SLC2A13: variants seen among roughly 807,000 people sequenced by gnomAD.
The protein encoded by SLC2A13 is proton myo-inositol cotransporter.
Under a neutral mutation model 64.4 loss-of-function variants are expected in SLC2A13, and 32 were observed. The observed-to-expected ratio is 0.50, with a 90% CI of 0.37 to 0.67. The LOEUF (loss-of-function observed/expected upper bound fraction) is 0.67, where lower values mean the gene tolerates loss of function less well. Ranked by LOEUF, SLC2A13 falls within the 30% of genes least tolerant of loss-of-function variation. The pLI is 0.00. For synonymous variants in SLC2A13, 338 were observed against 327.1 expected (o/e 1.03, Z -0.36); for missense variants, 743 against 829.2 (o/e 0.90, Z 1.28).
chr12:39,883,915 C>A (rs574480685), intron 4 of SLC2A13, among the ~76,000 whole-genome samples: 1 of 152,252 alleles, frequency 6.6e-6, no homozygotes, highest in South Asian at 2.1e-4. Context: ...AAAATAATCA[C>A]AGAAAAATAA....
intron 3 of SLC2A13, among the ~76,000 whole-genome samples, chr12:39,975,086 A>C (rs549215571): frequency 9.2e-5 from 14 of 152,352 alleles, no homozygotes; most frequent in Middle Eastern, 6.8e-3. Flanking sequence ...AGGCCTGGAA[A>C]GGGCTGAATT....
intron 3 of SLC2A13, among the ~76,000 whole-genome samples, chr12:40,024,413 A>T (rs775959564): frequency 1.7e-4 from 26 of 152,192 alleles, no homozygotes; most frequent in Non-Finnish European, 3.5e-4. Flanking sequence ...TTAATAAAAC[A>T]GAATTTTGCA....
At chr12:39,892,310 A>C (rs994337728) in intron 4 of SLC2A13, among the ~76,000 whole-genome samples, 2 of 152,174 alleles carry the variant, frequency 1.3e-5, no homozygotes, top group Admixed American at 6.5e-5. Flanking sequence ...TTTGGGTCAC[A>C]GGAACAGCTG....
intron 6 of SLC2A13, among the ~76,000 whole-genome samples, chr12:39,849,192 C>CA (rs1025361532): frequency 1.3e-5 from 2 of 151,666 alleles, no homozygotes; most frequent in South Asian, 2.1e-4. Context: ...AAAAAAAATT[C>CA]AAAAAAAGAA....
chr12:39,857,095 G>T (rs1337168177), intron 6 of SLC2A13, among the ~76,000 whole-genome samples: 5 of 152,174 alleles, frequency 3.3e-5, no homozygotes, highest in African/African-American at 1.2e-4. Context: ...TCTAGAATAA[G>T]AATATAAGTC....
intron 2 of SLC2A13, among the ~76,000 whole-genome samples, chr12:40,034,155 A>T (rs1947943630): frequency 6.6e-6 from 1 of 152,218 alleles, no homozygotes; most frequent in Non-Finnish European, 1.5e-5. Flanking sequence ...TTTTAAAAAC[A>T]TGCAATTGTT....
intron 7 of SLC2A13, among the ~76,000 whole-genome samples, chr12:39,799,738 G>C (rs771519045): frequency 6.6e-6 from 1 of 152,088 alleles, no homozygotes; most frequent in Non-Finnish European, 1.5e-5. Flanking sequence ...TTAAAGTTAG[G>C]CCTATTATAC....
intron 7 of SLC2A13, among the ~76,000 whole-genome samples, chr12:39,778,203 A>G (rs891588181): frequency 2.0e-5 from 3 of 152,350 alleles, no homozygotes; most frequent in Admixed American, 6.5e-5. Context: ...AGAACACTGC[A>G]TCCAACGTAC....
chr12:40,003,990 T>A (rs1419946204), intron 3 of SLC2A13, among the ~76,000 whole-genome samples: 1 of 150,640 alleles, frequency 6.6e-6, no homozygotes, highest in Non-Finnish European at 1.5e-5. Context: ...CAAAACTCCA[T>A]CTCAAAAACA....
chr12:39,954,051 G>A (rs1946276733), intron 3 of SLC2A13, among the ~76,000 whole-genome samples: 1 of 152,188 alleles, frequency 6.6e-6, no homozygotes, highest in Non-Finnish European at 1.5e-5. Context: ...ATGGCTATCA[G>A]CTTTCCCTTT....
intron 3 of SLC2A13, among the ~76,000 whole-genome samples, chr12:40,002,740 T>C (rs1357019740): frequency 6.6e-6 from 1 of 152,084 alleles, no homozygotes; most frequent in Non-Finnish European, 1.5e-5. Flanking sequence ...CAGAGGAAGT[T>C]TTAAAAGGCA....
intron 5 of SLC2A13, among the ~76,000 whole-genome samples, chr12:39,869,319 C>A (rs967745013): frequency 1.3e-5 from 2 of 152,084 alleles, no homozygotes; most frequent in African/African-American, 4.8e-5. Context: ...TCTAGTAGGA[C>A]CTATTTAATC....
chr12:40,053,816 G>C (rs902702959), intron 1 of SLC2A13, among the ~76,000 whole-genome samples: 2 of 152,176 alleles, frequency 1.3e-5, no homozygotes, highest in Non-Finnish European at 2.9e-5. Flanking sequence ...CACAGGGCCT[G>C]TTAACAACTC....
chr12:39,897,115 T>A lies in SLC2A13; in HGVS notation c.1035-25154A>T, dbSNP rs1376338164. ...GTTGATAGTTCTTTCTTTATCATTG[T>A]TCCTGTGAATTAAGAAACTTCTAGA... On this transcript the variant is annotated intron_variant, in intron 4 of 9. Transcript: ENST00000280871. Among the ~76,000 whole-genome samples the A allele has an allele frequency of 2.0e-5, 3 of 152,318 alleles. No homozygotes were observed. The South Asian group carries it at 6.2e-4, about 32-fold the overall frequency.
chr12:39,941,728 T>C (rs1352493649), intron 4 of SLC2A13, among the ~76,000 whole-genome samples: 2 of 152,196 alleles, frequency 1.3e-5, no homozygotes, highest in Non-Finnish European at 2.9e-5. Context: ...GTCCCAATTA[T>C]TTATCTTTGT....
At chr12:39,992,166 C>T (rs1421930965) in intron 3 of SLC2A13, among the ~76,000 whole-genome samples, 1 of 152,054 alleles carries the variant, frequency 6.6e-6, no homozygotes, top group Non-Finnish European at 1.5e-5. Flanking sequence ...TTCATTTGCC[C>T]TGAATTGATA....
At chr12:39,977,678 C>G (rs1052828327) in intron 3 of SLC2A13, among the ~76,000 whole-genome samples, 1 of 152,196 alleles carries the variant, frequency 6.6e-6, no homozygotes, top group East Asian at 1.9e-4. Flanking sequence ...TGACACACTC[C>G]GAATATCCTC....
intron 4 of SLC2A13, among the ~76,000 whole-genome samples, chr12:39,928,795 A>G (rs1945772935): frequency 6.6e-6 from 1 of 152,224 alleles, no homozygotes; most frequent in Admixed American, 6.5e-5. Context: ...CAGCAGAACT[A>G]AAACCTAATC....
chr12:39,980,836 T>A (rs1401033358), intron 3 of SLC2A13, among the ~76,000 whole-genome samples: 1 of 152,034 alleles, frequency 6.6e-6, no homozygotes, highest in East Asian at 1.9e-4. Context: ...AACAGACATC[T>A]ACAGAACTCT....
Sources: allele counts gnomAD v4.1 joint callset (sites outside exome capture counted in the v4.1 genomes callset), GRCh38; gene constraint gnomAD v4.1.1; transcripts MANE v1.5; gene names NCBI Gene and HGNC (gene_info 2026-07-23, HGNC 2026-07-21).